KIAA1217: variants seen among roughly 807,000 people sequenced by gnomAD.
KIAA1217 encodes the protein sickle tail protein homolog.
A neutral mutation model predicts 163.9 loss-of-function variants in KIAA1217; 88 were observed. That is an observed-to-expected ratio of 0.54 (90% CI 0.45 to 0.64). The LOEUF (loss-of-function observed/expected upper bound fraction) is 0.64. Ranked by LOEUF, KIAA1217 falls within the 30% of genes least tolerant of loss-of-function variation. The pLI, the probability that KIAA1217 is intolerant of heterozygous loss-of-function variation, is 0.00. For synonymous variants in KIAA1217, 903 were observed against 923.1 expected, an observed-to-expected ratio of 0.98 and a Z score of 0.39; for missense variants, 2,372 against 2,475.0, an observed-to-expected ratio of 0.96 and a Z score of 0.88.
rs557975126 is a variant in KIAA1217, at chr10:23,800,896, C to A, written c.-321+105662C>A. On this transcript the variant is annotated intron_variant, in intron 1 of 18. Transcript: ENST00000376462. Reference sequence around the variant, plus strand: ...TTGGTGGGAGTGTAAACTAGTTCAACCATTGTGGAACATAGTGTGGCAATT... The same window carrying A: ...TTGGTGGGAGTGTAAACTAGTTCAAACATTGTGGAACATAGTGTGGCAATT... Among the ~76,000 whole-genome samples, 3 of 152,186 alleles carry A rather than the reference C, an allele frequency of 2.0e-5. No individual in the cohort carries two copies. In the East Asian group the frequency reaches 5.8e-4, roughly 29 times the overall value.
chr10:24,422,860 G>C (rs1199183652), intron 3 of KIAA1217, among the ~76,000 whole-genome samples: 1 of 151,408 alleles, frequency 6.6e-6, no homozygotes, highest in Non-Finnish European at 1.5e-5. Flanking sequence ...GGTGGTTATG[G>C]GGGGCAAGAC....
intron 1 of KIAA1217, among the ~76,000 whole-genome samples, chr10:24,005,951 A>C (rs947097888): frequency 2.0e-5 from 3 of 152,196 alleles, no homozygotes; most frequent in African/African-American, 7.2e-5. Context: ...TTATAGCTTC[A>C]TGTTGTTGGT....
In KIAA1217 at chr10:24,473,591, A is replaced by T; in HGVS notation, c.1210A>T (p.Met404Leu). The change falls in exon 6 of 21, where the codon ATG (methionine) becomes TTG (leucine). Residue 404 changes from methionine to leucine, a missense_variant. Met to Leu is a conservative substitution (Grantham distance 15, BLOSUM62 2). Transcript: ENST00000376454. ...TCCTTACCTTTATCACGAGGGACGG[A>T]TGAGCATAGCCTCATCCCATGGTGG... ...ADPYLYHEGR[M>L]SIASSHGGHP... The T allele has an allele frequency of 6.2e-7, 1 of 1,614,168 alleles. No homozygotes were observed. The highest frequency in any genetic ancestry group is 2.2e-5 in the East Asian group (1 of 44,864).
chr10:24,228,095 G>A (rs1044396703), intron 2 of KIAA1217, among the ~76,000 whole-genome samples: 12 of 151,904 alleles, frequency 7.9e-5, no homozygotes, highest in Non-Finnish European at 1.2e-4. Context: ...GGCAACATGG[G>A]AAAGCCCCTA....
intron 1 of KIAA1217, among the ~76,000 whole-genome samples, chr10:23,843,180 T>C (rs1268334710): frequency 6.6e-6 from 1 of 152,166 alleles, no homozygotes; most frequent in African/African-American, 2.4e-5. Flanking sequence ...AAAATTTGTA[T>C]TATATGTGGT....
intron 3 of KIAA1217, among the ~76,000 whole-genome samples, chr10:24,387,629 T>A (rs2054195853): frequency 6.6e-6 from 1 of 152,206 alleles, no homozygotes; most frequent in Admixed American, 6.5e-5. Flanking sequence ...TGTTTGCAGG[T>A]GACATGACTG....
rs772404852 is a variant in KIAA1217, at chr10:24,502,240, CTTTTT to C, written c.2001+712_2001+716del. On this transcript the variant is annotated intron_variant, in intron 9 of 20. Coordinates refer to ENST00000376454, the MANE Select transcript of KIAA1217 (RefSeq NM_019590.5). The stretch of plus-strand genomic sequence containing the variant: ...GGACAAAGGTGGATAGTCAGCCAAG[CTTTTT>C]TTTTTTTTTTTTTTTTCATTTTTTT... Among the ~76,000 whole-genome samples, 3 of 80,632 alleles carry C rather than the reference CTTTTT, an allele frequency of 3.7e-5. No homozygotes were observed. The South Asian group carries it at 1.5e-3, about 41-fold the overall frequency. The allele number at this position is 80,632 out of a possible 152,430, so 52.9% of individuals were successfully genotyped here. A position where few individuals can be genotyped will look rare whatever the true frequency, so the allele number is the denominator to read the frequency against.
At chr10:24,249,562 C>CT (rs781559240) in intron 2 of KIAA1217, among the ~76,000 whole-genome samples, 5 of 152,108 alleles carry the variant, frequency 3.3e-5, no homozygotes, top group Admixed American at 1.3e-4. Context: ...ATACCACTGG[C>CT]TTTTTAAGAC....
intron 1 of KIAA1217, among the ~76,000 whole-genome samples, chr10:23,818,006 T>C (rs866854699): frequency 0.016 from 1,512 of 96,922 alleles, 67 homozygotes; most frequent in African/African-American, 0.056. Flanking sequence ...TATATATATA[T>C]ATACACACAT....
chr10:23,856,950 C>T (rs1398406200), intron 1 of KIAA1217, among the ~76,000 whole-genome samples: 2 of 152,222 alleles, frequency 1.3e-5, no homozygotes, highest in Non-Finnish European at 2.9e-5. Context: ...ACTCCCTGAC[C>T]CCTTGCGCTT....
At chr10:24,306,655 G>T (rs935585750) in intron 2 of KIAA1217, among the ~76,000 whole-genome samples, 11 of 152,208 alleles carry the variant, frequency 7.2e-5, no homozygotes, top group African/African-American at 2.7e-4. Flanking sequence ...TCACGTATGT[G>T]CATGAGAAGT....
chr10:24,376,874 G>T (rs1023051279), intron 2 of KIAA1217, among the ~76,000 whole-genome samples: 12 of 152,294 alleles, frequency 7.9e-5, no homozygotes, highest in African/African-American at 2.9e-4. Flanking sequence ...AGGGCAAGCT[G>T]CTTTTTCTAT....
chr10:24,177,298 T>TATATATA (rs58744670), intron 2 of KIAA1217, among the ~76,000 whole-genome samples: 4 of 68,610 alleles, frequency 5.8e-5, no homozygotes, highest in Non-Finnish European at 9.2e-5. Context: ...TATATATATA[T>TATATATA]TACAATTTCT....
intron 2 of KIAA1217, among the ~76,000 whole-genome samples, chr10:24,189,990 C>T (rs1395868490): frequency 3.3e-5 from 5 of 150,696 alleles, no homozygotes; most frequent in Non-Finnish European, 7.4e-5. Context: ...CACTGTGCTC[C>T]AGCCTGGGTG....
intron 2 of KIAA1217, among the ~76,000 whole-genome samples, chr10:24,342,060 C>T (rs2047165445): frequency 1.3e-5 from 2 of 152,194 alleles, no homozygotes; most frequent in Admixed American, 1.3e-4. Flanking sequence ...GCACTGTGGC[C>T]TTTGCAGCCA....
At chr10:24,498,056 A>G (rs2067038308) in intron 8 of KIAA1217, among the ~76,000 whole-genome samples, 1 of 152,060 alleles carries the variant, frequency 6.6e-6, no homozygotes, top group African/African-American at 2.4e-5. Flanking sequence ...AATGAATTTG[A>G]CTTGTTTATG....
chr10:23,790,652 TATATATATAC>T (rs1835893001), intron 1 of KIAA1217, among the ~76,000 whole-genome samples: 1 of 137,052 alleles, frequency 7.3e-6, no homozygotes, highest in African/African-American at 3.1e-5. Context: ...TACATATGTG[TATATATATAC>T]ATATATATCA....
chr10:23,929,810 G>T (rs1276280547), intron 1 of KIAA1217, among the ~76,000 whole-genome samples: 1 of 152,112 alleles, frequency 6.6e-6, no homozygotes, highest in African/African-American at 2.4e-5. Context: ...TTTTCCTTTG[G>T]ATATATACCC....
At chr10:24,078,380 G>A (rs557399742) in intron 2 of KIAA1217, among the ~76,000 whole-genome samples, 7 of 152,248 alleles carry the variant, frequency 4.6e-5, no homozygotes, top group Non-Finnish European at 8.8e-5. Context: ...CAGCTGAGAG[G>A]GGAGGACATG....
Sources: gnomAD v4.1 joint callset for allele counts (sites outside exome capture counted in the v4.1 genomes callset) on GRCh38, gnomAD v4.1.1 for gene constraint, MANE v1.5 for transcripts, NCBI Gene and HGNC (gene_info 2026-07-23, HGNC 2026-07-21) for gene names.